USP54: variants seen among roughly 807,000 people sequenced by gnomAD.
The protein encoded by USP54 is ubiquitin specific peptidase 54.
USP54 carries 87 observed loss-of-function variants against 170.5 expected under a neutral mutation model. The observed-to-expected ratio is 0.51, with a 90% CI of 0.43 to 0.61. USP54 has a LOEUF of 0.61. USP54 is among the 20% of genes least tolerant of loss of function. The probability of loss-of-function intolerance (pLI) is 0.00; values close to 1 mark genes in which losing one functional copy is unlikely to be tolerated. For missense variants in USP54, 1,786 were observed against 2,047.8 expected (o/e 0.87, Z 2.47); for synonymous variants, 655 against 742.8 (o/e 0.88, Z 1.92).
At chr10:73,529,651 A>G (rs1457379536) in intron 15 of USP54, 29 bp downstream of exon 15, 2 of 1,613,580 alleles carry the variant, frequency 1.2e-6, no homozygotes, top group East Asian at 2.2e-5. Flanking sequence ...TGCAAGAGAC[A>G]ATGTTGCTGT....
chr10:73,604,075 C>G (rs537245239), intron 1 of USP54, among the ~76,000 whole-genome samples: 129 of 152,022 alleles, frequency 8.5e-4, no homozygotes, highest in Admixed American at 1.6e-3. Context: ...GTGGTGAAAC[C>G]CTGTCTGTAC....
intron 4 of USP54, among the ~76,000 whole-genome samples, chr10:73,560,120 T>A (rs1176019930): frequency 6.6e-6 from 1 of 152,042 alleles, no homozygotes; most frequent in Non-Finnish European, 1.5e-5. Context: ...CAAACATCCC[T>A]CTAATTTTTA....
At position 73,522,946 on chromosome 10, in the gene USP54, G is replaced by GA. The variant is rs941023521; in HGVS notation, c.2362+636dup. Among the ~76,000 whole-genome samples, 19 of 152,198 alleles carry GA rather than the reference G, an allele frequency of 1.2e-4. No homozygotes were observed. The South Asian group carries it at 1.7e-3, about 13-fold the overall frequency. On this transcript the variant is annotated intron_variant, in intron 17 of 23. Coordinates refer to ENST00000687698, the MANE Select transcript of USP54 (RefSeq NM_001391956.1). Reference sequence around the variant, plus strand: ...TAAAAACAATAAAGTCATTTTATAGGAAAAAAACTAAGATATATGGCCTAT... The same window carrying GA: ...TAAAAACAATAAAGTCATTTTATAGGAAAAAAAACTAAGATATATGGCCTAT...
At chr10:73,577,387 T>C (rs2076257626) in intron 1 of USP54, among the ~76,000 whole-genome samples, 1 of 152,228 alleles carries the variant, frequency 6.6e-6, no homozygotes, top group Admixed American at 6.5e-5. Context: ...TTCTTTCCCT[T>C]CTGTAAATTC....
At chr10:73,508,386 G>A (rs1392036564) in intron 20 of USP54, among the ~76,000 whole-genome samples, 1 of 145,916 alleles carries the variant, frequency 6.9e-6, no homozygotes, top group East Asian at 2.0e-4. Flanking sequence ...CAGACTGGGC[G>A]ATAGAGTGAG....
intron 1 of USP54, among the ~76,000 whole-genome samples, chr10:73,603,743 G>T (rs969002599): frequency 3.3e-5 from 5 of 150,166 alleles, no homozygotes; most frequent in African/African-American, 1.2e-4. Flanking sequence ...GTGAGACCCT[G>T]TCTCAAAAAC....
At chr10:73,601,018 T>G (rs1281979764) in intron 1 of USP54, among the ~76,000 whole-genome samples, 5 of 152,216 alleles carry the variant, frequency 3.3e-5, no homozygotes, top group African/African-American at 1.2e-4. Flanking sequence ...AACCTGCGCA[T>G]GTACCCTGGA....
chr10:73,541,480 C>G lies in USP54; in HGVS notation c.720G>C (p.Met240Ile), dbSNP rs200647740. The change falls in exon 9 of 24, where the codon ATG becomes ATC. Residue 240 changes from methionine (M) to isoleucine (I), a missense_variant. Physicochemically the swap from Met to Ile is conservative, Grantham distance 10. Around this residue, in one of 3 missense-constraint regions of USP54, gnomAD observed 361 missense variants for 455.0 expected, o/e 0.79. Transcript: ENST00000687698. Reference sequence around the variant, plus strand: ...CAATCGTGATAATCTGTGGAGCATTCATCAACACACGGCGAATCCTGATCC... The same window carrying G: ...CAATCGTGATAATCTGTGGAGCATTGATCAACACACGGCGAATCCTGATCC... ...GERIRIRRVL[M>I]NAPQIITIGL... The G allele has an allele frequency of 1.0e-4, 164 of 1,614,082 alleles. No individual in the cohort carries two copies. The highest frequency in any genetic ancestry group is 1.3e-4 in the Non-Finnish European group (152 of 1,180,048).
Position 73,499,113 on chromosome 10 carries a change from C to G in USP54, c.4571G>C (p.Gly1524Ala), listed in dbSNP as rs767950073. Residue 1524 changes from glycine (G) to alanine (A), a missense_variant, in exon 24 of 24, where the codon GGA (glycine) becomes GCA (alanine). This residue lies in a region of USP54 where 1,418 missense variants were observed against 1,569.0 expected (regional missense o/e 0.90). Transcript: ENST00000687698. ...GETSQGAKYT[G>A]RTLNYQSLPH... is the part of the protein sequence containing the mutation. ...GAGGCTCTGGTAGTTCAAAGTCCTT[C>G]CTGTGTACTTGGCCCCTTGGGAAGT... 3.7e-6 allele frequency: 6 copies of G among 1,614,076 alleles called. No homozygotes were observed. The South Asian group carries it at 6.6e-5, about 18-fold the overall frequency.
chr10:73,617,876 C>T (rs2080771724), intron 1 of USP54, among the ~76,000 whole-genome samples: 1 of 149,768 alleles, frequency 6.7e-6, no homozygotes, highest in South Asian at 2.1e-4. Flanking sequence ...CACTGCACTC[C>T]AGCCTAGGCA....
chr10:73,502,315 CT>C (rs958934023), intron 22 of USP54, among the ~76,000 whole-genome samples: 50 of 147,378 alleles, frequency 3.4e-4, no homozygotes, highest in Non-Finnish European at 3.3e-4. Context: ...TTCCTTTCTT[CT>C]TTTTTTTTTT....
At chr10:73,569,684 A>G (rs1174629290) in intron 4 of USP54, among the ~76,000 whole-genome samples, 1 of 151,078 alleles carries the variant, frequency 6.6e-6, no homozygotes, top group Non-Finnish European at 1.5e-5. Context: ...CCAGGGAGGC[A>G]GAGGTTGCGG....
chr10:73,620,616 G>C (rs2081015793), intron 1 of USP54, among the ~76,000 whole-genome samples: 1 of 147,498 alleles, frequency 6.8e-6, no homozygotes, highest in African/African-American at 2.6e-5. Flanking sequence ...ATCTCACGTA[G>C]ATTTTTAAAG....
At chr10:73,615,975 G>A (rs764765779) in intron 1 of USP54, among the ~76,000 whole-genome samples, 2 of 149,070 alleles carry the variant, frequency 1.3e-5, no homozygotes, top group African/African-American at 2.6e-5. Flanking sequence ...GGGAGGCCAA[G>A]GTGAGAGGAT....
intron 4 of USP54, among the ~76,000 whole-genome samples, chr10:73,546,369 T>C (rs1211885942): frequency 6.6e-6 from 1 of 152,216 alleles, no homozygotes; most frequent in Non-Finnish European, 1.5e-5. Context: ...TGTTGTTTTT[T>C]TGAACAGGGT....
chr10:73,526,324 T>C (rs1051424578), intron 16 of USP54, among the ~76,000 whole-genome samples: 1 of 152,174 alleles, frequency 6.6e-6, no homozygotes, highest in Non-Finnish European at 1.5e-5. Flanking sequence ...CTTGGCTCAC[T>C]GCAACCTCCG....
rs538753526 is a variant in USP54, at chr10:73,568,976, G to A, written c.240+2445C>T. Among the ~76,000 whole-genome samples, 5 of 152,210 alleles carry A rather than the reference G, an allele frequency of 3.3e-5. No homozygotes were observed. In the South Asian group the frequency reaches 1.0e-3, roughly 32 times the overall value. ...CCCTCAGGAAAATGAAATATAACAA[G>A]AATGTGGCAGCCAGTTCTCCAGAGT... is the stretch of plus-strand genomic sequence containing the variant. On this transcript the variant is annotated intron_variant, in intron 4 of 23. Coordinates refer to ENST00000687698, the MANE Select transcript of USP54 (RefSeq NM_001391956.1).
intron 4 of USP54, among the ~76,000 whole-genome samples, chr10:73,567,269 CA>C (rs141413187): frequency 1.6e-4 from 24 of 152,338 alleles, no homozygotes; most frequent in Non-Finnish European, 2.2e-4. Flanking sequence ...TGGTTTTACA[CA>C]AATGTCTTAT....
intron 15 of USP54, among the ~76,000 whole-genome samples, chr10:73,527,481 A>G (rs975842458): frequency 7.0e-6 from 1 of 143,576 alleles, no homozygotes; most frequent in Non-Finnish European, 1.5e-5. Flanking sequence ...CTGGTGACAG[A>G]GCGAGACACT....
Sources: allele counts gnomAD v4.1 joint callset (sites outside exome capture counted in the v4.1 genomes callset), GRCh38; gene constraint gnomAD v4.1.1; regional missense constraint gnomAD v4.1.1; transcripts MANE v1.5; gene names NCBI Gene and HGNC (gene_info 2026-07-23, HGNC 2026-07-21).